SPOCK1: variants seen among roughly 807,000 people sequenced by gnomAD.
The protein encoded by SPOCK1 is testican-1.
SPOCK1 carries 23 observed loss-of-function variants against 55.3 expected under a neutral mutation model. That is an observed-to-expected ratio of 0.42 (90% CI 0.30 to 0.59). The LOEUF (loss-of-function observed/expected upper bound fraction) is 0.59. SPOCK1 is among the 20% of genes least tolerant of loss of function. The pLI, the probability that SPOCK1 is intolerant of heterozygous loss-of-function variation, is 0.22. For missense variants in SPOCK1, 499 were observed against 552.5 expected (o/e 0.90, Z 0.97); for synonymous variants, 226 against 221.0 (o/e 1.02, Z -0.20).
At chr5:137,328,590 C>T (rs927873876) in intron 2 of SPOCK1, among the ~76,000 whole-genome samples, 1 of 152,176 alleles carries the variant, frequency 6.6e-6, no homozygotes, top group South Asian at 2.1e-4. Flanking sequence ...CAGAACACAG[C>T]TCTAACAGCA....
At chr5:137,056,840 A>G (rs1213610299) in intron 6 of SPOCK1, among the ~76,000 whole-genome samples, 1 of 152,090 alleles carries the variant, frequency 6.6e-6, no homozygotes, top group Non-Finnish European at 1.5e-5. Context: ...GGAGACAGGC[A>G]CATGTAACTA....
intron 3 of SPOCK1, among the ~76,000 whole-genome samples, chr5:137,241,480 T>C (rs1248185128): frequency 6.6e-6 from 1 of 152,180 alleles, no homozygotes; most frequent in Non-Finnish European, 1.5e-5. Flanking sequence ...AAATACTGAC[T>C]GCTATGGTTT....
chr5:137,006,553 C>T (rs1191273254), intron 6 of SPOCK1, among the ~76,000 whole-genome samples: 1 of 152,122 alleles, frequency 6.6e-6, no homozygotes, highest in African/African-American at 2.4e-5. Flanking sequence ...ATTTTGTATC[C>T]TGAGACTTTG....
intron 2 of SPOCK1, among the ~76,000 whole-genome samples, chr5:137,342,304 A>G (rs1750449326): frequency 6.6e-6 from 1 of 152,250 alleles, no homozygotes; most frequent in African/African-American, 2.4e-5. Flanking sequence ...TCAATGGAAG[A>G]AAATAAAATT....
chr5:137,238,098 A>G (rs1472367162), intron 3 of SPOCK1, among the ~76,000 whole-genome samples: 1 of 152,222 alleles, frequency 6.6e-6, no homozygotes, highest in Non-Finnish European at 1.5e-5. Flanking sequence ...TTTCTCTTCT[A>G]TAAGTTGAAA....
intron 4 of SPOCK1, among the ~76,000 whole-genome samples, chr5:137,137,215 T>G (rs1273312883): frequency 6.6e-6 from 1 of 152,224 alleles, no homozygotes; most frequent in Non-Finnish European, 1.5e-5. Flanking sequence ...CACTCATGAC[T>G]GTCTGGCAGG....
At chr5:137,217,473 A>G (rs1258942320) in intron 3 of SPOCK1, among the ~76,000 whole-genome samples, 1 of 152,182 alleles carries the variant, frequency 6.6e-6, no homozygotes, top group Non-Finnish European at 1.5e-5. Context: ...TCTGTAAAAC[A>G]TGGACTCTGC....
chr5:136,999,998 G>GC (rs1042519665), intron 6 of SPOCK1, among the ~76,000 whole-genome samples: 1 of 152,140 alleles, frequency 6.6e-6, no homozygotes, highest in Non-Finnish European at 1.5e-5. Flanking sequence ...CACAGGACCA[G>GC]CCCCCCTCTC....
At chr5:137,221,595 A>C (rs1015445904) in intron 3 of SPOCK1, among the ~76,000 whole-genome samples, 4 of 152,208 alleles carry the variant, frequency 2.6e-5, no homozygotes, top group African/African-American at 9.6e-5. Context: ...AATGACTGAG[A>C]TGACAATAGA....
intron 6 of SPOCK1, among the ~76,000 whole-genome samples, chr5:137,032,596 C>G (rs866981724): frequency 6.6e-6 from 1 of 152,038 alleles, no homozygotes; most frequent in African/African-American, 2.4e-5. Flanking sequence ...TGGAAAATGA[C>G]GGTACTCACG....
intron 2 of SPOCK1, among the ~76,000 whole-genome samples, chr5:137,349,617 T>C (rs1363598019): frequency 2.0e-5 from 3 of 152,170 alleles, no homozygotes; most frequent in Non-Finnish European, 4.4e-5. Context: ...GCAGGGCTGG[T>C]TCGTTCTGAG....
chr5:137,366,766 C>T (rs541156704), intron 2 of SPOCK1, among the ~76,000 whole-genome samples: 1 of 152,274 alleles, frequency 6.6e-6, no homozygotes, highest in East Asian at 1.9e-4. Flanking sequence ...GCAAGGGAGT[C>T]TCTCACCGGC....
chr5:137,315,416 T>G (rs563579019), intron 2 of SPOCK1, among the ~76,000 whole-genome samples: 2 of 152,290 alleles, frequency 1.3e-5, no homozygotes, highest in South Asian at 2.1e-4. Context: ...ATGAATAACT[T>G]AGCAGCCTTG....
intron 6 of SPOCK1, among the ~76,000 whole-genome samples, chr5:137,043,402 T>C (rs1350172792): frequency 6.6e-6 from 1 of 152,168 alleles, no homozygotes; most frequent in African/African-American, 2.4e-5. Flanking sequence ...AGCATCTACA[T>C]AAGGAGATGG....
intron 2 of SPOCK1, among the ~76,000 whole-genome samples, chr5:137,328,293 G>T (rs973060619): frequency 6.6e-6 from 1 of 152,238 alleles, no homozygotes; most frequent in South Asian, 2.1e-4. Context: ...TCTGAGGACA[G>T]AGATGGCGGG....
At chr5:137,221,851 CCTT>C (rs1755853655) in intron 3 of SPOCK1, among the ~76,000 whole-genome samples, 1 of 152,200 alleles carries the variant, frequency 6.6e-6, no homozygotes, top group African/African-American at 2.4e-5. Flanking sequence ...GAATACTTCT[CCTT>C]CTGGGAATGT....
At chr5:137,363,582 A>T (rs1205872525) in intron 2 of SPOCK1, among the ~76,000 whole-genome samples, 1 of 152,194 alleles carries the variant, frequency 6.6e-6, no homozygotes, top group Non-Finnish European at 1.5e-5. Context: ...CCTCACCTGT[A>T]TACAAAAGTT....
intron 3 of SPOCK1, among the ~76,000 whole-genome samples, chr5:137,178,385 G>A (rs569213189): frequency 1.7e-4 from 26 of 152,318 alleles, no homozygotes; most frequent in African/African-American, 6.0e-4. Flanking sequence ...CACCTTCTTA[G>A]CGGGCAAAAA....
chr5:137,249,838 G>A (rs1190948272), intron 3 of SPOCK1, among the ~76,000 whole-genome samples: 1 of 152,182 alleles, frequency 6.6e-6, no homozygotes, highest in Non-Finnish European at 1.5e-5. Flanking sequence ...ATAAAGGCAA[G>A]TAGTATTTTT....
Sources: gnomAD v4.1 joint callset for allele counts (sites outside exome capture counted in the v4.1 genomes callset) on GRCh38, gnomAD v4.1.1 for gene constraint, MANE v1.5 for transcripts, NCBI Gene and HGNC (gene_info 2026-07-23, HGNC 2026-07-21) for gene names.